MACF1: variants seen among roughly 807,000 people sequenced by gnomAD.
MACF1 encodes microtubule-actin cross-linking factor 1.
In MACF1, 193 loss-of-function variants were observed where a neutral mutation model predicts 854.8. That is an observed-to-expected ratio of 0.23 (90% CI 0.20 to 0.25). The LOEUF is 0.25. MACF1 is among the 10% of genes least tolerant of loss of function. MACF1 has a pLI of 1.00. For synonymous variants in MACF1, 3,185 were observed against 3,226.7 expected, an observed-to-expected ratio of 0.99 and a Z score of 0.44; for missense variants, 7,722 against 8,929.1, an observed-to-expected ratio of 0.86 and a Z score of 5.45.
rs766137239 is a variant in MACF1 at position 39,334,594 on chromosome 1, C to A, written c.8006C>A (p.Ala2669Glu). 3 of 1,613,936 alleles carry A rather than the reference C, an allele frequency of 1.9e-6. No homozygotes were observed. Among genetic ancestry groups the A allele is most frequent in the African/African-American group, 2.7e-5 (2 of 74,902 alleles). Residue 2669 changes from alanine (A) to glutamate (E), a missense_variant, in exon 37 of 101, where the codon GCA becomes GAA. Physicochemically the swap from Ala to Glu is moderately radical, Grantham distance 107 (BLOSUM62 -1). Transcript: ENST00000564288. ...GACAAAGTGCTTACATTGTCTCAAGCAATTCAGCTTGGAAAAGTAGACTTT... is the reference window on the plus strand; with the variant it reads ...GACAAAGTGCTTACATTGTCTCAAGAAATTCAGCTTGGAAAAGTAGACTTT... ...VSDKVLTLSQAIQLGKVDFAS... is the reference protein window; with the variant it reads ...VSDKVLTLSQEIQLGKVDFAS...
At chr1:39,095,342 C>T (rs941551036) in intron 2 of MACF1, among the ~76,000 whole-genome samples, 6 of 151,818 alleles carry the variant, frequency 4.0e-5, no homozygotes, top group Admixed American at 1.3e-4. Context: ...GCGGGCGGAT[C>T]ATGAGGTCAA....
At chr1:39,240,192 C>A (rs1644906409) in intron 2 of MACF1, among the ~76,000 whole-genome samples, 1 of 152,196 alleles carries the variant, frequency 6.6e-6, no homozygotes, top group South Asian at 2.1e-4. Flanking sequence ...GGTGGAACTT[C>A]ATACTTTTTG....
intron 2 of MACF1, among the ~76,000 whole-genome samples, chr1:39,106,654 G>A (rs2148137803): frequency 6.6e-6 from 1 of 152,160 alleles, no homozygotes; most frequent in Non-Finnish European, 1.5e-5. Context: ...TTCAGCTCGG[G>A]CCCTTGTGAC....
intron 40 of MACF1, among the ~76,000 whole-genome samples, chr1:39,342,745 C>G (rs188304043): frequency 2.6e-4 from 40 of 152,146 alleles, no homozygotes; most frequent in Admixed American, 5.9e-4. Context: ...GTCTCGAACT[C>G]CTGACCTCAG....
chr1:39,156,624 C>A (rs879565355), intron 2 of MACF1, among the ~76,000 whole-genome samples: 25 of 151,862 alleles, frequency 1.6e-4, no homozygotes, highest in Non-Finnish European at 3.1e-4. Flanking sequence ...GTCTCAAAAA[C>A]AACAAAAAAA....
chr1:39,259,391 A>T (rs1479375611), intron 6 of MACF1, among the ~76,000 whole-genome samples: 1 of 151,846 alleles, frequency 6.6e-6, no homozygotes, highest in South Asian at 2.1e-4. Flanking sequence ...CCTCCCAAGT[A>T]GCTGGGATTA....
intron 43 of MACF1, among the ~76,000 whole-genome samples, chr1:39,352,572 C>G (rs557777579): frequency 4.3e-4 from 65 of 152,164 alleles, no homozygotes; most frequent in Non-Finnish European, 8.7e-4. Flanking sequence ...AGCTGGAGTG[C>G]AGTGGCACGA....
intron 2 of MACF1, among the ~76,000 whole-genome samples, chr1:39,111,931 T>A (rs77756090): frequency 0.062 from 9,388 of 152,196 alleles, 479 homozygotes; most frequent in African/African-American, 0.14. Flanking sequence ...TGACTTACTC[T>A]GCACACCCAA....
Position 39,360,762 on chromosome 1 carries a change from C to T in MACF1, c.12245-31C>T, listed in dbSNP as rs762672746. ...AAAAGCATAATACAAAAATTGTCTC[C>T]ACTCTTTCTTTTCATGGCCTGATTT... On this transcript the variant is annotated intron_variant, in intron 47 of 100. Transcript: ENST00000564288. 3.4e-5 allele frequency: 47 copies of T among 1,395,580 alleles called. No individual in the cohort carries two copies. In the Middle Eastern group the frequency reaches 5.4e-4, roughly 16 times the overall value. 86.4% of individuals were successfully genotyped at this position (1,395,580 alleles called of 1,614,324 possible).
At position 39,309,608 on chromosome 1, in the gene MACF1, A is replaced by G. The variant is rs766290511; in HGVS notation, c.2828A>G (p.His943Arg). ...QSYQKVMALW[H>R]QLHVNTKSLI... ...TATCAGAAGGTTATGGCCCTTTGGC[A>G]TCAGCTGCATGTTAACACCAAAAGC... The change falls in exon 24 of 101, where the codon CAT becomes CGT. Residue 943 changes from histidine to arginine, a missense_variant. His to Arg is a conservative substitution (Grantham distance 29). Transcript: ENST00000564288. The G allele has an allele frequency of 1.2e-6, 2 of 1,614,224 alleles. No individual in the cohort carries two copies. The highest frequency in any genetic ancestry group is 8.5e-7 in the Non-Finnish European group (1 of 1,180,024).
At position 39,359,135 on chromosome 1, in the gene MACF1, A is replaced by G. The variant is rs1225276415; in HGVS notation, c.12121-6A>G. 1.2e-6 allele frequency: 2 copies of G among 1,613,808 alleles called. No individual in the cohort carries two copies. Among genetic ancestry groups the G allele is most frequent in the East Asian group, 2.2e-5 (1 of 44,874 alleles). On this transcript the variant is annotated splice_polypyrimidine_tract_variant and splice_region_variant and intron_variant, in intron 46 of 100. Transcript: ENST00000564288. ...TTTTTCTTTTGTTTTTTTCATGGACAAGCAGCAGTTGCAGGAGGAATTGGC... is the reference window on the plus strand; with the variant it reads ...TTTTTCTTTTGTTTTTTTCATGGACGAGCAGCAGTTGCAGGAGGAATTGGC...
chr1:39,107,136 A>G (rs1213735676), intron 2 of MACF1, among the ~76,000 whole-genome samples: 2 of 152,176 alleles, frequency 1.3e-5, no homozygotes, highest in African/African-American at 2.4e-5. Flanking sequence ...GAGGAGATAC[A>G]TTAGGACCGT....
chr1:39,266,982 A>G (rs1399398041), intron 6 of MACF1, among the ~76,000 whole-genome samples: 1 of 152,196 alleles, frequency 6.6e-6, no homozygotes, highest in Non-Finnish European at 1.5e-5. Flanking sequence ...TTACTCCCAA[A>G]TGGCAACAAG....
At chr1:39,166,510 GC>G (rs1643884665) in intron 2 of MACF1, among the ~76,000 whole-genome samples, 1 of 151,562 alleles carries the variant, frequency 6.6e-6, no homozygotes, top group Non-Finnish European at 1.5e-5. Flanking sequence ...AGGCTGGAGT[GC>G]AGTGGTGCGA....
chr1:39,415,296 T>A (rs1486234405), intron 58 of MACF1, among the ~76,000 whole-genome samples: 1 of 151,878 alleles, frequency 6.6e-6, no homozygotes, highest in Non-Finnish European at 1.5e-5. Context: ...TTGGGCTAAA[T>A]GTCCTCTTGG....
At chr1:39,156,590 G>T (rs1302331488) in intron 2 of MACF1, among the ~76,000 whole-genome samples, 4 of 152,152 alleles carry the variant, frequency 2.6e-5, no homozygotes, top group Non-Finnish European at 2.9e-5. Flanking sequence ...CTGCACTCCA[G>T]CCTGGGTGAC....
chr1:39,195,950 C>G (rs1411005391), intron 2 of MACF1, among the ~76,000 whole-genome samples: 1 of 152,120 alleles, frequency 6.6e-6, no homozygotes. Flanking sequence ...TTCGTACAGT[C>G]TGAGCAATAT....
At chr1:39,329,394 A>G (rs1203072429) in intron 36 of MACF1, among the ~76,000 whole-genome samples, 1 of 152,198 alleles carries the variant, frequency 6.6e-6, no homozygotes, top group Non-Finnish European at 1.5e-5. Context: ...TAATGATTTT[A>G]AGGGTTTCCT....
In MACF1 at chr1:39,217,807, G is replaced by A. The variant is rs551807663; in HGVS notation, c.109+12676G>A. 2.0e-3 allele frequency among the ~76,000 whole-genome samples: 296 copies of A among 150,472 alleles called. 2 individuals carry two copies. Among genetic ancestry groups the A allele is most frequent in the African/African-American group, 6.9e-3 (281 of 40,706 alleles). On this transcript the variant is annotated intron_variant, in intron 1 of 100. Transcript: ENST00000564288. ...GGGGCGCGGCTGAGGAGGGAAGATC[G>A]CTTGAGCCTGGGAGGCAGAGATTTC...
Sources: allele counts gnomAD v4.1 joint callset (sites outside exome capture counted in the v4.1 genomes callset), GRCh38; gene constraint gnomAD v4.1.1; transcripts MANE v1.5; gene names NCBI Gene and HGNC (gene_info 2026-07-23, HGNC 2026-07-21).